Variants in IARS1 observed in about 807,000 individuals in gnomAD.
IARS1 encodes the protein isoleucine--tRNA ligase, cytoplasmic.
In IARS1, 124 loss-of-function variants were observed where a neutral mutation model predicts 168.2. The observed-to-expected ratio is 0.74, with a 90% CI of 0.64 to 0.86. The LOEUF is 0.86. Ranked by LOEUF, IARS1 falls within the 40% of genes least tolerant of loss-of-function variation. The probability of loss-of-function intolerance (pLI) is 0.00; values close to 1 mark genes in which losing one functional copy is unlikely to be tolerated. For missense variants in IARS1, 1,452 were observed against 1,515.8 expected (o/e 0.96, Z 0.70); for synonymous variants, 532 against 529.4 (o/e 1.00, Z -0.07).
intron 26 of IARS1, among the ~76,000 whole-genome samples, chr9:92,246,522 C>T (rs1194385910): frequency 6.6e-6 from 1 of 152,130 alleles, no homozygotes; most frequent in South Asian, 2.1e-4. Context: ...GGTTAGGTAC[C>T]CCCACATGTT....
chr9:92,247,258 C>T (rs1467720978), intron 26 of IARS1, 119 bp downstream of exon 26: 9 of 828,292 alleles, frequency 1.1e-5, no homozygotes, highest in African/African-American at 6.9e-5. Flanking sequence ...GGACAGGACA[C>T]GACGGGACAC....
chr9:92,223,373 G>A lies in IARS1; in HGVS notation c.3526C>T (p.Leu1176=). Residue 1176 remains leucine, a synonymous_variant, in exon 32 of 34, where the codon CTA becomes TTA. Transcript: ENST00000443024. Reference sequence around the variant, plus strand: ...TGTGGCTTTGCATTCAGGAGCTGTAGGTTGATATACTGACAAAGAAGAGTA... The same window carrying A: ...TGTGGCTTTGCATTCAGGAGCTGTAAGTTGATATACTGACAAAGAAGAGTA... ...SSTLLCQYIN[L]QLLNAKPQEC... is the part of the protein sequence containing the mutation. 1 of 1,613,580 alleles carries A rather than the reference G, an allele frequency of 6.2e-7. No homozygotes were observed. Among genetic ancestry groups the A allele is most frequent in the Non-Finnish European group, 8.5e-7 (1 of 1,179,642 alleles).
chr9:92,287,702 T>G (rs1376205313), intron 4 of IARS1, 89 bp downstream of exon 4: 1 of 1,378,204 alleles, frequency 7.3e-7, no homozygotes, highest in African/African-American at 1.5e-5. Context: ...AATAAATTAA[T>G]AAAAAAAGCA....
chr9:92,250,296 G>A lies in IARS1; in HGVS notation c.2430-7C>T. Reference sequence around the variant, plus strand: ...CTTGTCAATCAATTCTTCTCTGAGTGGTAGAGGTAGGAATATGAAAGAGTT... The same window carrying A: ...CTTGTCAATCAATTCTTCTCTGAGTAGTAGAGGTAGGAATATGAAAGAGTT... On this transcript the variant is annotated splice_polypyrimidine_tract_variant and splice_region_variant and intron_variant, in intron 23 of 33. Transcript: ENST00000443024. 2 of 1,499,732 alleles carry A rather than the reference G, an allele frequency of 1.3e-6. No homozygotes were observed. Among genetic ancestry groups the A allele is most frequent in the Middle Eastern group, 1.7e-4 (1 of 5,872 alleles). 92.9% of individuals were successfully genotyped at this position (1,499,732 alleles called of 1,614,324 possible). A position where few individuals can be genotyped will look rare whatever the true frequency, so the allele number is the denominator to read the frequency against.
At chr9:92,264,116 C>T (rs959883435) in intron 16 of IARS1, among the ~76,000 whole-genome samples, 1 of 152,114 alleles carries the variant, frequency 6.6e-6, no homozygotes, top group Non-Finnish European at 1.5e-5. Flanking sequence ...GGGTGGGTCA[C>T]TTGAGGTCAG....
At chr9:92,222,269 A>C (rs1839767036) in intron 33 of IARS1, among the ~76,000 whole-genome samples, 1 of 134,868 alleles carries the variant, frequency 7.4e-6, no homozygotes, top group Non-Finnish European at 1.5e-5. Flanking sequence ...TGAACCCAGG[A>C]GGCGGAGGTT....
At chr9:92,246,569 T>C (rs968057619) in intron 26 of IARS1, among the ~76,000 whole-genome samples, 3 of 152,178 alleles carry the variant, frequency 2.0e-5, no homozygotes, top group East Asian at 1.9e-4. Context: ...ATAACACTTA[T>C]CAAAACCATA....
chr9:92,283,762 AGATCCTGAT>A (rs1382723415), intron 6 of IARS1, among the ~76,000 whole-genome samples: 1 of 152,264 alleles, frequency 6.6e-6, no homozygotes, highest in Non-Finnish European at 1.5e-5. Flanking sequence ...AAGTCTTGGT[AGATCCTGAT>A]TTAAAAAAAT....
rs750320760 is a variant in IARS1, at chr9:92,243,268, T to C, written c.2948A>G (p.Asp983Gly). The change falls in exon 28 of 34, where the codon GAT (aspartate) becomes GGT (glycine). Residue 983 changes from aspartate (D) to glycine (G), a missense_variant. Transcript: ENST00000443024. ...LDVTPDQSMV[D>G]EGMAREVINR... The stretch of plus-strand genomic sequence containing the variant: ...GATGACTTCCCGAGCCATTCCTTCA[T>C]CTACCATTGACTGGTCAGGAGTGAC... 5.0e-6 allele frequency: 8 copies of C among 1,613,622 alleles called. No individual in the cohort carries two copies. The highest frequency in any genetic ancestry group is 6.8e-6 in the Non-Finnish European group (8 of 1,179,694).
In IARS1 at chr9:92,268,288, C is replaced by T. The variant is rs143120382; in HGVS notation, c.1317G>A (p.Leu439=). The part of the protein sequence containing the change: ...NNDLCYWVPE[L]VREKRFGNWL... ...AATTTCCAAATCGTTTTTCTCGTACCAACTCTGGGACCCTGCAATAAACAG... is the reference window on the plus strand; with the variant it reads ...AATTTCCAAATCGTTTTTCTCGTACTAACTCTGGGACCCTGCAATAAACAG... Residue 439 remains leucine, a synonymous_variant, in exon 14 of 34, where the codon TTG becomes TTA. Transcript: ENST00000443024. The T allele has an allele frequency of 1.5e-4, 238 of 1,610,276 alleles. No homozygotes were observed. The African/African-American group carries it at 2.9e-3, about 20-fold the overall frequency.
intron 1 of IARS1, among the ~76,000 whole-genome samples, chr9:92,291,350 G>A (rs1343398977): frequency 1.3e-5 from 2 of 152,072 alleles, no homozygotes; most frequent in Non-Finnish European, 2.9e-5. Context: ...ACCTCAAACA[G>A]TTTTGAAAGC....
intron 10 of IARS1, 132 bp downstream of exon 10, chr9:92,274,294 A>G (rs999588411): frequency 7.9e-6 from 5 of 634,758 alleles, no homozygotes; most frequent in Non-Finnish European, 1.4e-5. Flanking sequence ...AAATTTTACA[A>G]GCCATCTTGC....
At chr9:92,218,829 G>T (rs1839204555) in intron 33 of IARS1, among the ~76,000 whole-genome samples, 1 of 151,182 alleles carries the variant, frequency 6.6e-6, no homozygotes, top group South Asian at 2.1e-4. Context: ...TCAATATCGT[G>T]AAAATGGTCA....
chr9:92,227,702 A>C (rs556973785), intron 31 of IARS1, among the ~76,000 whole-genome samples: 1 of 148,712 alleles, frequency 6.7e-6, no homozygotes, highest in African/African-American at 2.5e-5. Context: ...TGGACGAGGC[A>C]GCAGGGCAGA....
chr9:92,273,407 T>G (rs1300560715), intron 10 of IARS1, among the ~76,000 whole-genome samples: 1 of 152,116 alleles, frequency 6.6e-6, no homozygotes, highest in Admixed American at 6.5e-5. Context: ...GCAGCTAGAA[T>G]TACTTAGACA....
chr9:92,219,506 C>T (rs1175928), intron 33 of IARS1, among the ~76,000 whole-genome samples: 15,364 of 147,650 alleles, frequency 0.1, 870 homozygotes, highest in South Asian at 0.19. Flanking sequence ...AGAAAATTTT[C>T]GCAACCTACT....
intron 17 of IARS1, 23 bp downstream of exon 17, chr9:92,262,946 T>A (rs1435212427): frequency 6.4e-7 from 1 of 1,566,194 alleles, no homozygotes; most frequent in Non-Finnish European, 8.8e-7. Context: ...GTTCCACCCG[T>A]CACTACAACA....
At chr9:92,290,279 T>C (rs1836107441) in intron 1 of IARS1, among the ~76,000 whole-genome samples, 1 of 152,232 alleles carries the variant, frequency 6.6e-6, no homozygotes, top group Admixed American at 6.5e-5. Context: ...CTTGTGGTTT[T>C]GATTTGCATT....
chr9:92,280,387 A>G (rs556231467), intron 7 of IARS1, among the ~76,000 whole-genome samples: 23 of 152,342 alleles, frequency 1.5e-4, no homozygotes, highest in Admixed American at 1.3e-3. Flanking sequence ...ACCAGGGGAC[A>G]TTTGAAAGGC....
Sources: allele counts gnomAD v4.1 joint callset (sites outside exome capture counted in the v4.1 genomes callset), GRCh38; gene constraint gnomAD v4.1.1; transcripts MANE v1.5; gene names NCBI Gene and HGNC (gene_info 2026-07-23, HGNC 2026-07-21).